Variants in BMPR1A observed in about 807,000 individuals in gnomAD.
BMPR1A encodes bone morphogenetic protein receptor type 1A.
BMPR1A carries 7 observed loss-of-function variants against 66.0 expected under a neutral mutation model. The ratio of observed to expected loss-of-function variants is 0.11; its 90% CI spans 0.06 to 0.20. BMPR1A has a LOEUF of 0.20. BMPR1A is among the 10% of genes least tolerant of loss of function. The pLI is 1.00. For synonymous variants in BMPR1A, 200 were observed against 229.7 expected, an observed-to-expected ratio of 0.87 and a Z score of 1.17; for missense variants, 408 against 669.1, an observed-to-expected ratio of 0.61 and a Z score of 4.31.
At chr10:86,756,585 C>T (rs61858562), upstream of BMPR1A, 43,356 of 150,292 alleles carry the variant, frequency 0.29, 7,549 homozygotes, top group East Asian at 0.7. Flanking sequence ...CTCCCCCAGG[C>T]CCCCGCACCC....
chr10:86,830,518 T>G (rs12219899), intron 1 of BMPR1A, among the ~76,000 whole-genome samples: 1,729 of 152,336 alleles, frequency 0.011, 31 homozygotes, highest in South Asian at 0.079. Context: ...CACTATTTTT[T>G]TATTTTAGCT....
chr10:86,858,430 G>A (rs997928032), intron 2 of BMPR1A, among the ~76,000 whole-genome samples: 1 of 152,112 alleles, frequency 6.6e-6, no homozygotes, highest in African/African-American at 2.4e-5. Flanking sequence ...TATAGTGAAA[G>A]ATGAAGACTG....
rs993726577 is a variant in BMPR1A at position 86,925,219 on chromosome 10, A to G, written c.*1500A>G. 2 of 228,858 alleles carry G rather than the reference A, an allele frequency of 8.7e-6. No homozygotes were observed. Among genetic ancestry groups the G allele is most frequent in the Non-Finnish European group, 1.7e-5 (2 of 115,566 alleles). The allele number at this position is 228,858 out of a possible 1,614,324, so 14.2% of individuals were successfully genotyped here. On this transcript the variant is annotated 3_prime_UTR_variant, in exon 13 of 13. Transcript: ENST00000372037. ...TGTTATCTCAAGAAATCTGATTTAC[A>G]TAAACTTATACTTCTTTAATGCTTT...
At chr10:86,854,927 C>CT in intron 2 of BMPR1A, 1 of 170,408 alleles carries the variant, frequency 5.9e-6, no homozygotes, top group Admixed American at 6.1e-5. Flanking sequence ...CTTTTTTTTT[C>CT]TTTTTCTTTT....
At chr10:86,884,660 C>T (rs1477204813) in intron 3 of BMPR1A, among the ~76,000 whole-genome samples, 1 of 151,886 alleles carries the variant, frequency 6.6e-6, no homozygotes, top group Admixed American at 6.6e-5. Flanking sequence ...GGCAGTCCAC[C>T]CGCCTCGGCC....
chr10:86,839,181 T>G (rs922736330), intron 2 of BMPR1A, among the ~76,000 whole-genome samples: 1 of 152,228 alleles, frequency 6.6e-6, no homozygotes, highest in African/African-American at 2.4e-5. Context: ...TCATAAATGT[T>G]GAACCTCTTC....
chr10:86,919,953 C>T (rs1843638096), intron 10 of BMPR1A, among the ~76,000 whole-genome samples: 1 of 152,098 alleles, frequency 6.6e-6, no homozygotes, highest in Non-Finnish European at 1.5e-5. Flanking sequence ...GCTGATCCTC[C>T]CAAAGTGCTG....
At chr10:86,869,967 G>A (rs1189885539) in intron 2 of BMPR1A, among the ~76,000 whole-genome samples, 1 of 152,040 alleles carries the variant, frequency 6.6e-6, no homozygotes, top group African/African-American at 2.4e-5. Context: ...GATAGCTTAA[G>A]TAATTCCCCA....
chr10:86,838,320 G>T (rs947450912), intron 1 of BMPR1A, among the ~76,000 whole-genome samples: 1 of 152,196 alleles, frequency 6.6e-6, no homozygotes, highest in African/African-American at 2.4e-5. Context: ...GTTAATAGCA[G>T]TACTAATATA....
intron 1 of BMPR1A, among the ~76,000 whole-genome samples, chr10:86,819,664 G>A (rs1842091736): frequency 6.6e-6 from 1 of 152,172 alleles, no homozygotes. Flanking sequence ...TTGAAGCCTA[G>A]TGCTTCTTTT....
intron 7 of BMPR1A, among the ~76,000 whole-genome samples, chr10:86,902,454 G>A (rs940024559): frequency 8.6e-5 from 13 of 151,766 alleles, no homozygotes; most frequent in African/African-American, 3.2e-4. Context: ...AGTGCCTTCA[G>A]CCACATAGTA....
At chr10:86,803,772 G>A (rs1259057156) in intron 1 of BMPR1A, among the ~76,000 whole-genome samples, 16 of 152,016 alleles carry the variant, frequency 1.1e-4, no homozygotes, top group Admixed American at 1.0e-3. Context: ...CAAAAGTCGA[G>A]GATATTTGTT....
chr10:86,870,704 G>GT (rs1292027234), intron 2 of BMPR1A, among the ~76,000 whole-genome samples: 2 of 152,018 alleles, frequency 1.3e-5, no homozygotes, highest in African/African-American at 4.8e-5. Flanking sequence ...GATTACAGGT[G>GT]TGAGCCACGT....
chr10:86,810,409 G>A (rs1024906773), intron 1 of BMPR1A, among the ~76,000 whole-genome samples: 12 of 152,186 alleles, frequency 7.9e-5, no homozygotes, highest in African/African-American at 2.2e-4. Context: ...AGGTTTTTGT[G>A]TGGAAATATG....
intron 1 of BMPR1A, among the ~76,000 whole-genome samples, chr10:86,812,915 A>G (rs1458358152): frequency 6.6e-6 from 1 of 152,218 alleles, no homozygotes; most frequent in African/African-American, 2.4e-5. Context: ...CCATTATGGT[A>G]TCATAGAGAA....
chr10:86,867,690 C>T (rs1417956015), intron 2 of BMPR1A, among the ~76,000 whole-genome samples: 1 of 152,128 alleles, frequency 6.6e-6, no homozygotes, highest in Non-Finnish European at 1.5e-5. Context: ...GTTTTGAAAA[C>T]AGATTATCTA....
At chr10:86,785,444 T>C (rs1285726647) in intron 1 of BMPR1A, among the ~76,000 whole-genome samples, 2 of 152,166 alleles carry the variant, frequency 1.3e-5, no homozygotes, top group African/African-American at 4.8e-5. Context: ...TAGCTGGGAT[T>C]ATAGGCATGT....
At chr10:86,859,866 C>CA (rs1478441440) in intron 2 of BMPR1A, among the ~76,000 whole-genome samples, 1 of 151,976 alleles carries the variant, frequency 6.6e-6, no homozygotes, top group East Asian at 1.9e-4. Flanking sequence ...CTGTATTGTT[C>CA]AAAAAAACCA....
intron 7 of BMPR1A, 97 bp downstream of exon 7, chr10:86,900,223 C>T (rs1843290318): frequency 8.4e-7 from 1 of 1,197,260 alleles, no homozygotes; most frequent in Admixed American, 1.9e-5. Flanking sequence ...AACTTGTATT[C>T]TCTGGTTGTA....
Sources: gnomAD v4.1 joint callset for allele counts (sites outside exome capture counted in the v4.1 genomes callset) on GRCh38, gnomAD v4.1.1 for gene constraint, MANE v1.5 for transcripts, NCBI Gene and HGNC (gene_info 2026-07-23, HGNC 2026-07-21) for gene names.